The following SCAI variants were observed in gnomAD, a reference collection of about 807,000 sequenced individuals.
SCAI encodes the protein protein SCAI.
In SCAI, 24 loss-of-function variants were observed where a neutral mutation model predicts 92.2. That is an observed-to-expected ratio of 0.26 (90% confidence interval 0.19 to 0.37). The LOEUF (loss-of-function observed/expected upper bound fraction) is 0.37, where lower values mean the gene tolerates loss of function less well. Ranked by LOEUF, SCAI falls within the 10% of genes least tolerant of loss-of-function variation. The pLI is 1.00. For synonymous variants in SCAI, 261 were observed against 258.6 expected (o/e 1.01, Z -0.09); for missense variants, 450 against 736.2 (o/e 0.61, Z 4.50).
At chr9:124,960,918 G>A (rs183120425) in intron 17 of SCAI, among the ~76,000 whole-genome samples, 3 of 152,050 alleles carry the variant, frequency 2.0e-5, no homozygotes, top group East Asian at 1.9e-4. Flanking sequence ...GAAGTTTGAG[G>A]CCACCCTGGG....
At chr9:125,028,227 G>A (rs1178432732) in intron 5 of SCAI, among the ~76,000 whole-genome samples, 165 bp downstream of exon 5, 2 of 152,144 alleles carry the variant, frequency 1.3e-5, no homozygotes, top group South Asian at 2.1e-4. Context: ...GACTATGGAA[G>A]GTTATTGCAC....
chr9:125,130,284 T>C (rs1025506160), intron 2 of SCAI, among the ~76,000 whole-genome samples: 1 of 152,108 alleles, frequency 6.6e-6, no homozygotes, highest in African/African-American at 2.4e-5. Context: ...AGTGATACCA[T>C]GAGGTCATAA....
At chr9:125,046,199 A>ATATATATATATATATG (rs1406687216) in intron 3 of SCAI, among the ~76,000 whole-genome samples, 3 of 105,666 alleles carry the variant, frequency 2.8e-5, no homozygotes, top group Non-Finnish European at 3.9e-5. Flanking sequence ...ATTGTGAGAT[A>ATATATATATATATATG]TATATATATA....
At position 124,996,078 on chromosome 9, in the gene SCAI, CAAAT is replaced by C. The variant is rs1332531368; in HGVS notation, c.1245-1067_1245-1064del. On this transcript the variant is annotated intron_variant, in intron 13 of 17. Transcript: ENST00000336505. Reference sequence around the variant, plus strand: ...CAAATAAAAGTTTTTCTTTTATTGACAAATAAAAATTGTATATATTCAAGGTATA... The same window carrying C: ...CAAATAAAAGTTTTTCTTTTATTGACAAAAATTGTATATATTCAAGGTATA... 9.9e-5 allele frequency among the ~76,000 whole-genome samples: 15 copies of C among 151,972 alleles called. 1 individual carries two copies. In the South Asian group the frequency reaches 2.5e-3, roughly 25 times the overall value.
Position 125,143,402 on chromosome 9 carries a change from C to G in SCAI, c.36G>C (p.Arg12=). ...CCCCGCACCTGGGGGCCAGGCGACTCCGCGGCTGCTGGGGCTGCCGGGCTC... is the reference window on the plus strand; with the variant it reads ...CCCCGCACCTGGGGGCCAGGCGACTGCGCGGCTGCTGGGGCTGCCGGGCTC... The part of the protein sequence containing the change: ...VRGARQPQQP[R]SRLAPRLTGT... Residue 12 remains arginine (R), a synonymous_variant, in exon 1 of 18, where the codon CGG becomes CGC. Transcript: ENST00000336505. The G allele has an allele frequency of 7.2e-7, 1 of 1,395,504 alleles. No individual in the cohort carries two copies. The highest frequency in any genetic ancestry group is 9.3e-7 in the Non-Finnish European group (1 of 1,073,164). The allele number at this position is 1,395,504 out of a possible 1,614,324, so 86.4% of individuals were successfully genotyped here. A position where few individuals can be genotyped will look rare whatever the true frequency, so the allele number is the denominator to read the frequency against.
chr9:125,085,419 G>A (rs914811375), intron 2 of SCAI, among the ~76,000 whole-genome samples: 8 of 152,054 alleles, frequency 5.3e-5, no homozygotes, highest in Non-Finnish European at 7.4e-5. Context: ...CCCAAAGGGC[G>A]GGGACTGCAG....
At chr9:125,067,898 C>G (rs1221303504) in intron 2 of SCAI, among the ~76,000 whole-genome samples, 1 of 152,154 alleles carries the variant, frequency 6.6e-6, no homozygotes, top group East Asian at 1.9e-4. Context: ...AAATTATTGA[C>G]CTGCCTTGTT....
intron 14 of SCAI, among the ~76,000 whole-genome samples, chr9:124,981,836 G>A (rs1192424495): frequency 1.3e-5 from 2 of 151,794 alleles, no homozygotes; most frequent in Non-Finnish European, 2.9e-5. Flanking sequence ...TTATAGATGG[G>A]GTCTTGCTAT....
chr9:125,036,659 A>T (rs1230581341), intron 3 of SCAI, among the ~76,000 whole-genome samples: 1 of 152,256 alleles, frequency 6.6e-6, no homozygotes, highest in Non-Finnish European at 1.5e-5. Context: ...TATACATAGT[A>T]TAAAATTCAA....
At chr9:125,125,609 C>T (rs1835247414) in intron 2 of SCAI, among the ~76,000 whole-genome samples, 1 of 151,792 alleles carries the variant, frequency 6.6e-6, no homozygotes, top group African/African-American at 2.4e-5. Flanking sequence ...GTGGGTGAAT[C>T]ACCTAAGGTC....
chr9:125,043,140 T>A (rs1224959357), intron 3 of SCAI, among the ~76,000 whole-genome samples: 1 of 152,126 alleles, frequency 6.6e-6, no homozygotes, highest in Non-Finnish European at 1.5e-5. Context: ...AGTGCTGGAA[T>A]TACAGGCGTG....
intron 3 of SCAI, among the ~76,000 whole-genome samples, chr9:125,043,017 CA>C (rs1479396578): frequency 6.6e-6 from 1 of 151,832 alleles, no homozygotes; most frequent in African/African-American, 2.4e-5. Flanking sequence ...GGGCATTTGC[CA>C]CCATGCCTGG....
At chr9:124,967,203 T>A (rs2131584349) in intron 17 of SCAI, among the ~76,000 whole-genome samples, 1 of 152,266 alleles carries the variant, frequency 6.6e-6, no homozygotes, top group South Asian at 2.1e-4. Context: ...TCAACTGAAA[T>A]CCTGATAGGG....
intron 2 of SCAI, among the ~76,000 whole-genome samples, chr9:125,068,306 A>C (rs565327908): frequency 6.6e-6 from 1 of 150,776 alleles, no homozygotes; most frequent in Non-Finnish European, 1.5e-5. Context: ...TTCAAGATCA[A>C]CCTGGGCAAC....
intron 9 of SCAI, among the ~76,000 whole-genome samples, chr9:125,006,972 T>C (rs1314375851): frequency 6.6e-6 from 1 of 151,856 alleles, no homozygotes; most frequent in Non-Finnish European, 1.5e-5. Context: ...ATACAAAAAT[T>C]AGCTGGGCGC....
At chr9:124,995,542 T>C (rs202131691) in intron 13 of SCAI, among the ~76,000 whole-genome samples, 1 of 152,038 alleles carries the variant, frequency 6.6e-6, no homozygotes, top group East Asian at 1.9e-4. Context: ...TGGAGTACAG[T>C]GGTGTTGTGC....
At chr9:125,046,196 GATATATATATATATAT>G (rs71374222) in intron 3 of SCAI, among the ~76,000 whole-genome samples, 7 of 51,880 alleles carry the variant, frequency 1.3e-4, no homozygotes, top group East Asian at 1.3e-3. Context: ...GAAATTGTGA[GATATATATATATATAT>G]ATATATATAT....
chr9:125,081,353 AG>A (rs1225277975), intron 2 of SCAI, among the ~76,000 whole-genome samples: 7 of 152,232 alleles, frequency 4.6e-5, no homozygotes, highest in Non-Finnish European at 1.0e-4. Flanking sequence ...AATAAAATCC[AG>A]GCTGAGGTGC....
intron 3 of SCAI, among the ~76,000 whole-genome samples, chr9:125,033,299 G>A (rs1218459385): frequency 6.6e-6 from 1 of 152,054 alleles, no homozygotes; most frequent in Non-Finnish European, 1.5e-5. Flanking sequence ...ATTTGGATAG[G>A]CAAAAGAGAA....
Sources: gnomAD v4.1 joint callset for allele counts (sites outside exome capture counted in the v4.1 genomes callset) on GRCh38, gnomAD v4.1.1 for gene constraint, MANE v1.5 for transcripts, NCBI Gene and HGNC (gene_info 2026-07-23, HGNC 2026-07-21) for gene names.